Variants in CNBD1 observed in about 807,000 individuals in gnomAD.
CNBD1 encodes cyclic nucleotide-binding domain-containing protein 1.
In CNBD1, 71 loss-of-function variants were observed where a neutral mutation model predicts 54.4. The ratio of observed to expected loss-of-function variants is 1.30; its 90% confidence interval spans 1.08 to 1.59. The LOEUF (loss-of-function observed/expected upper bound fraction) is 1.59. Ranked by LOEUF, CNBD1 falls within the 40% of genes most tolerant of loss-of-function variation. The probability of loss-of-function intolerance (pLI) is 0.00; values close to 1 mark genes in which losing one functional copy is unlikely to be tolerated. For synonymous variants in CNBD1, 182 were observed against 170.7 expected (o/e 1.07, Z -0.51); for missense variants, 659 against 518.0 (o/e 1.27, Z -2.64).
intron 5 of CNBD1, among the ~76,000 whole-genome samples, chr8:87,207,244 A>C (rs1380966217): frequency 6.6e-6 from 1 of 152,196 alleles, no homozygotes; most frequent in Admixed American, 6.5e-5. Context: ...TATTTGTAAC[A>C]GTAAAAAATA....
At chr8:87,241,833 T>A (rs1482910594) in intron 6 of CNBD1, among the ~76,000 whole-genome samples, 1 of 152,172 alleles carries the variant, frequency 6.6e-6, no homozygotes, top group Non-Finnish European at 1.5e-5. Flanking sequence ...ATTTTCTTGG[T>A]AAGATAAGAA....
At chr8:86,866,967 A>G (rs1336305973) in intron 1 of CNBD1, among the ~76,000 whole-genome samples, 1 of 152,198 alleles carries the variant, frequency 6.6e-6, no homozygotes, top group Non-Finnish European at 1.5e-5. Flanking sequence ...GCTTAATGGG[A>G]TAATTAATAC....
In CNBD1 at chr8:87,340,607, G is replaced by GT. The variant is rs200849430; in HGVS notation, c.1043-11070dup. Among the ~76,000 whole-genome samples the GT allele has an allele frequency of 3.1e-3, 459 of 148,194 alleles. 9 individuals are homozygous for GT. Among genetic ancestry groups the GT allele is most frequent in the East Asian group, 0.018 (91 of 5,148 alleles). ...ACTCTTTTACTCTTTTTCTGTTGTTGTTTTTTTTCCTTTTGCTTGTTATTA... is the reference window on the plus strand; with the variant it reads ...ACTCTTTTACTCTTTTTCTGTTGTTGTTTTTTTTTCCTTTTGCTTGTTATTA... On this transcript the variant is annotated intron_variant, in intron 8 of 10. Coordinates refer to ENST00000518476, the MANE Select transcript of CNBD1 (RefSeq NM_173538.3).
intron 5 of CNBD1, among the ~76,000 whole-genome samples, chr8:87,228,021 A>C (rs868708247): frequency 4.6e-5 from 7 of 151,484 alleles, no homozygotes; most frequent in African/African-American, 1.7e-4. Flanking sequence ...CCTTTCTTCC[A>C]GTTGATCGCA....
chr8:86,954,027 A>G (rs991667580), intron 4 of CNBD1, among the ~76,000 whole-genome samples: 4 of 152,238 alleles, frequency 2.6e-5, no homozygotes, highest in Non-Finnish European at 4.4e-5. Context: ...ATTTCAGGTT[A>G]TTATAAGTCA....
chr8:87,008,016 T>A (rs1343099807), intron 4 of CNBD1, among the ~76,000 whole-genome samples: 5 of 152,230 alleles, frequency 3.3e-5, no homozygotes, highest in African/African-American at 1.2e-4. Flanking sequence ...CATGCTCATA[T>A]TGTTTTCATA....
intron 5 of CNBD1, among the ~76,000 whole-genome samples, chr8:87,226,876 A>T (rs538937433): frequency 6.6e-6 from 1 of 151,260 alleles, no homozygotes; most frequent in Non-Finnish European, 1.5e-5. Context: ...TGGGAATCTG[A>T]GTCTCTTTGT....
At chr8:87,038,071 A>G (rs1321139515) in intron 4 of CNBD1, among the ~76,000 whole-genome samples, 2 of 152,172 alleles carry the variant, frequency 1.3e-5, no homozygotes, top group African/African-American at 4.8e-5. Context: ...ACTTGCACTT[A>G]AATCTCTGTC....
intron 4 of CNBD1, among the ~76,000 whole-genome samples, chr8:87,026,662 C>A (rs937360282): frequency 1.3e-5 from 2 of 152,088 alleles, no homozygotes; most frequent in African/African-American, 4.8e-5. Context: ...TTCTTTATAA[C>A]CTTCCTTATC....
intron 4 of CNBD1, among the ~76,000 whole-genome samples, chr8:86,968,544 G>C (rs983635528): frequency 2.0e-5 from 3 of 152,194 alleles, no homozygotes; most frequent in Non-Finnish European, 4.4e-5. Flanking sequence ...AGTTAAGGAC[G>C]TGCACCAGGG....
intron 4 of CNBD1, among the ~76,000 whole-genome samples, chr8:86,951,356 A>C (rs779557993): frequency 1.3e-5 from 2 of 151,924 alleles, no homozygotes; most frequent in Non-Finnish European, 2.9e-5. Flanking sequence ...TGGGAGGCCG[A>C]GGCAGGCAGA....
chr8:87,113,511 T>C (rs992687407), intron 4 of CNBD1, among the ~76,000 whole-genome samples: 1 of 152,194 alleles, frequency 6.6e-6, no homozygotes, highest in Non-Finnish European at 1.5e-5. Context: ...GCTAAATTAA[T>C]GTTATTATGT....
chr8:86,957,697 G>A (rs939748829), intron 4 of CNBD1, among the ~76,000 whole-genome samples: 1 of 151,978 alleles, frequency 6.6e-6, no homozygotes, highest in Admixed American at 6.6e-5. Context: ...ATTTTTTATT[G>A]CAGCTATTTG....
chr8:86,904,590 T>C (rs1215992362), intron 2 of CNBD1, among the ~76,000 whole-genome samples: 1 of 152,092 alleles, frequency 6.6e-6, no homozygotes, highest in African/African-American at 2.4e-5. Context: ...ACAAAAAGCA[T>C]CGTAGGTAAT....
intron 4 of CNBD1, among the ~76,000 whole-genome samples, chr8:87,082,090 C>A (rs1399817137): frequency 6.6e-6 from 1 of 152,192 alleles, no homozygotes; most frequent in Admixed American, 6.5e-5. Flanking sequence ...GTGACTTGCA[C>A]GTATACATCC....
intron 3 of CNBD1, among the ~76,000 whole-genome samples, chr8:86,909,622 A>G (rs1252730462): frequency 6.6e-6 from 1 of 152,174 alleles, no homozygotes; most frequent in Non-Finnish European, 1.5e-5. Context: ...GGTGTGCAAC[A>G]TTGCAGTGAT....
chr8:87,413,927 C>G (rs923999938), intron 2 of CNBD1, among the ~76,000 whole-genome samples: 1 of 151,380 alleles, frequency 6.6e-6, no homozygotes, highest in African/African-American at 2.4e-5. Flanking sequence ...GTTGGTGGGA[C>G]TGTAAACTAG....
intron 6 of CNBD1, among the ~76,000 whole-genome samples, chr8:87,246,531 A>C (rs1448653942): frequency 1.3e-5 from 2 of 152,184 alleles, no homozygotes; most frequent in Non-Finnish European, 2.9e-5. Context: ...ACTGCTAATG[A>C]CTTAAACAAT....
At chr8:87,241,720 G>A (rs1807712463) in intron 6 of CNBD1, among the ~76,000 whole-genome samples, 1 of 152,008 alleles carries the variant, frequency 6.6e-6, no homozygotes, top group African/African-American at 2.4e-5. Context: ...CTTAGTTTGT[G>A]CCTATGTAAA....
Sources: gnomAD v4.1 joint callset for allele counts (sites outside exome capture counted in the v4.1 genomes callset) on GRCh38, gnomAD v4.1.1 for gene constraint, MANE v1.5 for transcripts, NCBI Gene and HGNC (gene_info 2026-07-23, HGNC 2026-07-21) for gene names.